USP50: variants seen among roughly 807,000 people sequenced by gnomAD.
USP50 encodes the protein ubiquitin specific peptidase 50, also known as ubiquitin carboxyl-terminal hydrolase 50.
USP50 carries 37 observed loss-of-function variants against 39.2 expected under a neutral mutation model. The ratio of observed to expected loss-of-function variants is 0.94; its 90% CI spans 0.73 to 1.24. The LOEUF is 1.24. USP50 is among the 50% of genes most tolerant of loss of function. The pLI, the probability that USP50 is intolerant of heterozygous loss-of-function variation, is 0.00. For missense variants in USP50, 374 were observed against 398.2 expected (o/e 0.94, Z 0.52); for synonymous variants, 139 against 144.5 (o/e 0.96, Z 0.27).
chr15:50,525,533 T>C (rs1222213609), intron 6 of USP50, among the ~76,000 whole-genome samples: 1 of 86,586 alleles, frequency 1.2e-5, no homozygotes, highest in African/African-American at 5.4e-5. Context: ...TATGTATATG[T>C]ATATGTATAT....
chr15:50,545,629 T>C (rs925590463), intron 1 of USP50, among the ~76,000 whole-genome samples: 1 of 150,778 alleles, frequency 6.6e-6, no homozygotes, highest in African/African-American at 2.4e-5. Flanking sequence ...ATTAAGAGCA[T>C]GAATATATAT....
chr15:50,527,281 T>C (rs1287122907), intron 6 of USP50, among the ~76,000 whole-genome samples: 3 of 152,216 alleles, frequency 2.0e-5, no homozygotes, highest in African/African-American at 7.2e-5. Context: ...CTCAGCTCAC[T>C]GCAACCTCCG....
chr15:50,495,730 C>T, downstream of USP50: 1 of 801,378 alleles, frequency 1.2e-6, no homozygotes, highest in Middle Eastern at 2.9e-4. Flanking sequence ...ATCAGAACTC[C>T]TTTATGAGAA....
At chr15:50,521,108 C>G (rs930597572) in intron 6 of USP50, among the ~76,000 whole-genome samples, 5 of 152,196 alleles carry the variant, frequency 3.3e-5, no homozygotes, top group Admixed American at 1.3e-4. Flanking sequence ...AAGGCGCCAT[C>G]TCAGCTCACT....
Position 50,544,799 on chromosome 15 carries a change from G to C in USP50, c.54-18C>G, listed in dbSNP as rs2053059205. On this transcript the variant is annotated intron_variant, in intron 1 of 6. Coordinates refer to ENST00000532404, the MANE Select transcript of USP50 (RefSeq NM_203494.5). ...ACTCTGCACTGTGTTGGTGCCACAT[G>C]GGAAGAAAGGGTTTTGAGAGAACAA... 3.7e-6 allele frequency: 6 copies of C among 1,604,778 alleles called. No homozygotes were observed. Among genetic ancestry groups the C allele is most frequent in the Non-Finnish European group, 5.1e-6 (6 of 1,174,140 alleles).
In USP50 at chr15:50,500,745, G is replaced by T; in HGVS notation, c.*24C>A. The T allele has an allele frequency of 6.4e-7, 1 of 1,571,006 alleles. No individual in the cohort carries two copies. Among genetic ancestry groups the T allele is most frequent in the South Asian group, 1.2e-5 (1 of 85,386 alleles). On this transcript the variant is annotated 3_prime_UTR_variant, in exon 7 of 7. Coordinates refer to ENST00000532404, the MANE Select transcript of USP50 (RefSeq NM_203494.5). ...GAACAGAAGTATCTGGAATCTCACT[G>T]ACTCGTGTGTTATCAAAGCTATATC...
chr15:50,539,932 G>A (rs1247354122), intron 4 of USP50, among the ~76,000 whole-genome samples: 3 of 152,120 alleles, frequency 2.0e-5, no homozygotes, highest in Non-Finnish European at 4.4e-5. Context: ...GAAGAAGAGC[G>A]CAGATTTTGT....
chr15:50,514,945 G>A (rs1014936667), intron 6 of USP50, among the ~76,000 whole-genome samples: 1 of 144,418 alleles, frequency 6.9e-6, no homozygotes, highest in Non-Finnish European at 1.5e-5. Flanking sequence ...GCAATGAGCC[G>A]AGATTGTGCA....
At chr15:50,507,302 C>G (rs963655366) in intron 6 of USP50, 1 of 152,268 alleles carries the variant, frequency 6.6e-6, no homozygotes, top group Non-Finnish European at 1.5e-5. Context: ...ACAACAACAA[C>G]AACAAATCCA....
downstream of USP50, chr15:50,497,400 T>C: frequency 3.2e-6 from 2 of 619,030 alleles, no homozygotes; most frequent in South Asian, 4.5e-5. Flanking sequence ...TTAGTTCACC[T>C]CAGTGTTTTC....
chr15:50,531,307 A>T (rs968734802), intron 5 of USP50, among the ~76,000 whole-genome samples: 6 of 152,202 alleles, frequency 3.9e-5, no homozygotes, highest in African/African-American at 1.4e-4. Context: ...CAAAACTGTA[A>T]ACAACCCAAA....
downstream of USP50, among the ~76,000 whole-genome samples, chr15:50,496,480 TAAAAA>T (rs35899607): frequency 1.5e-4 from 17 of 116,502 alleles, no homozygotes; most frequent in African/African-American, 2.3e-4. Flanking sequence ...GACTCCGTCT[TAAAAA>T]AAAAAAAAAA....
Position 50,525,670 on chromosome 15 carries a change from G to GTA in USP50, c.936+4125_936+4126dup, listed in dbSNP as rs1167798184. Among the ~76,000 whole-genome samples, 853 of 91,728 alleles carry GTA rather than the reference G, an allele frequency of 9.3e-3. 30 individuals are homozygous for GTA. Among genetic ancestry groups the GTA allele is most frequent in the African/African-American group, 0.033 (805 of 24,272 alleles). 60.2% of individuals were successfully genotyped at this position (91,728 alleles called of 152,430 possible). A position where few individuals can be genotyped will look rare whatever the true frequency, so the allele number is the denominator to read the frequency against. On this transcript the variant is annotated intron_variant, in intron 6 of 6. Transcript: ENST00000532404. ...TATATGTATATGTATATATGTATAT[G>GTA]TATATATGTATATTATATATGTATA...
rs147753196 is a variant in USP50 at position 50,546,561 on chromosome 15, A to T, written c.-36T>A. On this transcript the variant is annotated 5_prime_UTR_variant, in exon 1 of 7. Coordinates refer to ENST00000532404, the MANE Select transcript of USP50 (RefSeq NM_203494.5). Reference sequence around the variant, plus strand: ...CCACGTTGGACTTTTGCTTCTATTCAGGAGCTACATCTATTCCTTTCAACT... The same window carrying T: ...CCACGTTGGACTTTTGCTTCTATTCTGGAGCTACATCTATTCCTTTCAACT... The T allele has an allele frequency of 1.7e-5, 28 of 1,610,996 alleles. 1 individual carries two copies. In the African/African-American group the frequency reaches 3.7e-4, roughly 21 times the overall value.
chr15:50,515,051 A>G (rs973526760), intron 6 of USP50, among the ~76,000 whole-genome samples: 1 of 151,012 alleles, frequency 6.6e-6, no homozygotes, highest in African/African-American at 2.4e-5. Context: ...AGAAATCTTG[A>G]CTAGACCTAT....
At chr15:50,541,354 A>G in intron 3 of USP50, 90 bp from the exon 4 acceptor site, 1 of 1,164,658 alleles carries the variant, frequency 8.6e-7, no homozygotes, top group Non-Finnish European at 1.2e-6. Flanking sequence ...TCTACAAAAA[A>G]AACAAAAAAT....
At position 50,544,599 on chromosome 15, in the gene USP50, G is replaced by A. The variant is rs780546687; in HGVS notation, c.236C>T (p.Thr79Ile). Residue 79 changes from threonine (T) to isoleucine (I), a missense_variant, in exon 2 of 7, where the codon ACC (threonine) becomes ATC (isoleucine). Transcript: ENST00000532404. Reference sequence around the variant, plus strand: ...CAAATGGTCTTACTTTTGCAGAGCGGTGATATACTTCCCGGTGAGAAAGTA... The same window carrying A: ...CAAATGGTCTTACTTTTGCAGAGCGATGATATACTTCCCGGTGAGAAAGTA... ...VEYFLTGKYI[T>I]ALQNDCSEVA... 1 of 1,613,230 alleles carries A rather than the reference G, an allele frequency of 6.2e-7. No homozygotes were observed.
chr15:50,494,428 A>T (rs1333640810), intron 1 of USP50: 2 of 658,752 alleles, frequency 3.0e-6, no homozygotes, highest in Middle Eastern at 4.2e-4. Flanking sequence ...ATAAAACATC[A>T]GGTAAGTGTA....
chr15:50,544,681 T>G lies in USP50; in HGVS notation c.154A>C (p.Thr52Pro). ...GVTGLWNLGN[T>P]CCVNAISQCL... Reference sequence around the variant, plus strand: ...TGTGAGATGGCATTCACGCAGCATGTGTTGCCCAAGTTCCACAAGCCAGTG... The same window carrying G: ...TGTGAGATGGCATTCACGCAGCATGGGTTGCCCAAGTTCCACAAGCCAGTG... Residue 52 changes from threonine to proline, a missense_variant, in exon 2 of 7, where the codon ACA becomes CCA. Coordinates refer to ENST00000532404, the MANE Select transcript of USP50 (RefSeq NM_203494.5). The G allele has an allele frequency of 6.2e-7, 1 of 1,613,944 alleles. No homozygotes were observed. The highest frequency in any genetic ancestry group is 8.5e-7 in the Non-Finnish European group (1 of 1,179,860).
Sources: allele counts gnomAD v4.1 joint callset (sites outside exome capture counted in the v4.1 genomes callset), GRCh38; gene constraint gnomAD v4.1.1; transcripts MANE v1.5; gene names NCBI Gene and HGNC (gene_info 2026-07-23, HGNC 2026-07-21).